Variants in MPP4 observed in about 807,000 individuals in gnomAD.
The protein encoded by MPP4 is MAGUK p55 subfamily member 4.
In MPP4, 91 loss-of-function variants were observed where a neutral mutation model predicts 98.3. That is an observed-to-expected ratio of 0.93 (90% CI 0.78 to 1.10). The LOEUF (loss-of-function observed/expected upper bound fraction) is 1.10, where lower values mean the gene tolerates loss of function less well. MPP4 is among the 50% of genes least tolerant of loss of function. MPP4 has a pLI of 0.00. For synonymous variants in MPP4, 261 were observed against 271.8 expected (o/e 0.96, Z 0.39); for missense variants, 744 against 792.9 (o/e 0.94, Z 0.74).
chr2:201,660,368 G>A, intron 14 of MPP4, 22 bp from the exon 15 acceptor site: 1 of 1,613,212 alleles, frequency 6.2e-7, no homozygotes, highest in Non-Finnish European at 8.5e-7. Flanking sequence ...GGTAAGTGCA[G>A]AAACAGACAT....
At position 201,680,912 on chromosome 2, in the gene MPP4, G is replaced by C. The variant is rs1202265822; in HGVS notation, c.855C>G (p.Leu285=). ...ILQIVDQNDA[L]WWQARKISDP... ...CTGAGATTTTTCGGGCCTGCCACCAGAGGGCATCATTCTGGTCCACAATCT... is the reference window on the plus strand; with the variant it reads ...CTGAGATTTTTCGGGCCTGCCACCACAGGGCATCATTCTGGTCCACAATCT... The change falls in exon 10 of 22, where the codon CTC becomes CTG. Residue 285 remains leucine, a synonymous_variant. Coordinates refer to ENST00000409474, the MANE Select transcript of MPP4 (RefSeq NM_033066.3). 6.2e-7 allele frequency: 1 copy of C among 1,613,872 alleles called. No homozygotes were observed. The highest frequency in any genetic ancestry group is 1.7e-5 in the Admixed American group (1 of 60,016).
intron 4 of MPP4, among the ~76,000 whole-genome samples, chr2:201,688,242 T>C (rs976389955): frequency 6.6e-6 from 1 of 152,202 alleles, no homozygotes; most frequent in African/African-American, 2.4e-5. Context: ...TGAACACTAC[T>C]GTGTGCTAGG....
intron 19 of MPP4, 93 bp from the exon 20 acceptor site, chr2:201,649,777 A>T (rs1687666314): frequency 1.2e-6 from 1 of 821,514 alleles, no homozygotes; most frequent in Admixed American, 2.2e-5. Flanking sequence ...AGTTGAATAT[A>T]AATATGTGGA....
chr2:201,660,840 G>A (rs1362813952), intron 14 of MPP4, among the ~76,000 whole-genome samples: 1 of 152,054 alleles, frequency 6.6e-6, no homozygotes, highest in Non-Finnish European at 1.5e-5. Flanking sequence ...TCCATCCCCA[G>A]CTGCCCCATG....
chr2:201,670,241 C>T (rs1481438492), intron 11 of MPP4, among the ~76,000 whole-genome samples: 1 of 152,082 alleles, frequency 6.6e-6, no homozygotes, highest in Admixed American at 6.6e-5. Flanking sequence ...AATAAAATTG[C>T]CCTATATCTT....
chr2:201,669,944 C>A lies in MPP4; in HGVS notation c.995-194G>T, dbSNP rs563622516. Among the ~76,000 whole-genome samples the A allele has an allele frequency of 3.9e-5, 6 of 152,274 alleles. No homozygotes were observed. The South Asian group carries it at 1.2e-3, about 32-fold the overall frequency. ...AAATGAATACTTTATAAAACTGATACATTTGTGAGCCTTGTTGGAAATGGA... is the reference window on the plus strand; with the variant it reads ...AAATGAATACTTTATAAAACTGATAAATTTGTGAGCCTTGTTGGAAATGGA... On this transcript the variant is annotated intron_variant, in intron 11 of 21. Coordinates refer to ENST00000409474, the MANE Select transcript of MPP4 (RefSeq NM_033066.3).
At chr2:201,669,806 C>T in intron 11 of MPP4, 56 bp from the exon 12 acceptor site, 1 of 1,254,696 alleles carries the variant, frequency 8.0e-7, no homozygotes, top group East Asian at 3.0e-5. Flanking sequence ...AGTATCTGTA[C>T]TATATTTTCT....
Position 201,675,197 on chromosome 2 carries a change from C to A in MPP4, c.994+10G>T, listed in dbSNP as rs751572228. On this transcript the variant is annotated intron_variant, in intron 11 of 21. Transcript: ENST00000409474. Reference sequence around the variant, plus strand: ...ACAGGAAGAACCTGTCGGGCAGTTGCAATACTCACATAGGGTTGACTTGAG... The same window carrying A: ...ACAGGAAGAACCTGTCGGGCAGTTGAAATACTCACATAGGGTTGACTTGAG... 21 of 1,603,270 alleles carry A rather than the reference C, an allele frequency of 1.3e-5. No homozygotes were observed. The highest frequency in any genetic ancestry group is 1.8e-5 in the Non-Finnish European group (21 of 1,174,980).
intron 11 of MPP4, 188 bp downstream of exon 11, chr2:201,675,019 C>T (rs1179181593): frequency 1.1e-5 from 8 of 724,616 alleles, no homozygotes; most frequent in Non-Finnish European, 2.0e-5. Flanking sequence ...AGCCACCACC[C>T]CCACGCCCTC....
chr2:201,660,570 A>C (rs1034662630), intron 14 of MPP4, among the ~76,000 whole-genome samples: 3 of 152,164 alleles, frequency 2.0e-5, no homozygotes, highest in African/African-American at 7.2e-5. Context: ...CTTTTTCTGA[A>C]AGTTGCCTAT....
Position 201,656,232 on chromosome 2 carries a change from G to T in MPP4, c.1266C>A (p.Arg422=), listed in dbSNP as rs372484542. ...PYEEVVRYQR[R]PSDKYRLIVL... ...CTATGAGGCGGTACTTGTCTGAAGG[G>T]CGTCGCTGGTACCTCACCACCTCCT... The change falls in exon 17 of 22, where the codon CGC becomes CGA. Residue 422 remains arginine (R), a synonymous_variant. Transcript: ENST00000409474. 9 of 1,605,332 alleles carry T rather than the reference G, an allele frequency of 5.6e-6. No individual in the cohort carries two copies. Among genetic ancestry groups the T allele is most frequent in the Non-Finnish European group, 7.7e-6 (9 of 1,175,944 alleles).
At position 201,694,185 on chromosome 2, in the gene MPP4, A is replaced by T. The variant is rs1448754523; in HGVS notation, c.-100-131T>A. The T allele has an allele frequency of 6.1e-6, 5 of 820,022 alleles. No individual in the cohort carries two copies. The African/African-American group carries it at 8.5e-5, about 14-fold the overall frequency. The allele number at this position is 820,022 out of a possible 1,614,324, so 50.8% of individuals were successfully genotyped here. A position where few individuals can be genotyped will look rare whatever the true frequency, so the allele number is the denominator to read the frequency against. ...AACCATCACCAGTGGCGTGAAAGAG[A>T]AAACGACTATTGCATAAAATGCTCC... On this transcript the variant is annotated intron_variant, in intron 1 of 21. Coordinates refer to ENST00000409474, the MANE Select transcript of MPP4 (RefSeq NM_033066.3).
At chr2:201,662,047 GA>G in intron 14 of MPP4, 1 of 385,694 alleles carries the variant, frequency 2.6e-6, no homozygotes, top group Non-Finnish European at 5.0e-6. Flanking sequence ...AAATAATTTA[GA>G]AAAGTGGTTC....
chr2:201,685,042 A>T (rs751007075), intron 7 of MPP4, 22 bp downstream of exon 7: 1 of 1,604,432 alleles, frequency 6.2e-7, no homozygotes, highest in Non-Finnish European at 8.5e-7. Context: ...GGTAACTCTC[A>T]ATCCCAGCTG....
chr2:201,655,868 T>C lies in MPP4; in HGVS notation c.1300+330A>G, dbSNP rs530982523. 4.6e-4 allele frequency among the ~76,000 whole-genome samples: 70 copies of C among 152,274 alleles called. 1 individual carries two copies. The highest frequency in any genetic ancestry group is 1.7e-3 in the African/African-American group (70 of 41,562). On this transcript the variant is annotated intron_variant, in intron 17 of 21. Coordinates refer to ENST00000409474, the MANE Select transcript of MPP4 (RefSeq NM_033066.3). Reference sequence around the variant, plus strand: ...AATTTATTTTCAGGATACAGGTTAATGATCTGTCTGGGGAAACACTCATCT... The same window carrying C: ...AATTTATTTTCAGGATACAGGTTAACGATCTGTCTGGGGAAACACTCATCT...
intron 10 of MPP4, among the ~76,000 whole-genome samples, chr2:201,675,588 T>C (rs1048919613): frequency 1.3e-5 from 2 of 152,218 alleles, no homozygotes; most frequent in Non-Finnish European, 2.9e-5. Context: ...CTCTCAGGCA[T>C]GTTAGCCTGT....
intron 7 of MPP4, among the ~76,000 whole-genome samples, chr2:201,683,824 C>T (rs1207757629): frequency 6.6e-6 from 1 of 151,634 alleles, no homozygotes; most frequent in Non-Finnish European, 1.5e-5. Context: ...CTAGGAAATT[C>T]TTGGTATTTA....
intron 1 of MPP4, chr2:201,697,860 G>A (rs1031830776): frequency 4.7e-5 from 43 of 916,294 alleles, no homozygotes; most frequent in Non-Finnish European, 5.0e-5. Context: ...TAGTAAAATC[G>A]AGTTTTCCTC....
chr2:201,654,781 C>T, intron 18 of MPP4, 56 bp downstream of exon 18: 2 of 1,273,952 alleles, frequency 1.6e-6, no homozygotes, highest in Non-Finnish European at 2.2e-6. Flanking sequence ...TAAATGAGAT[C>T]AGCAAAGAAA....
Sources: gnomAD v4.1 joint callset for allele counts (sites outside exome capture counted in the v4.1 genomes callset) on GRCh38, gnomAD v4.1.1 for gene constraint, MANE v1.5 for transcripts, NCBI Gene and HGNC (gene_info 2026-07-23, HGNC 2026-07-21) for gene names.